CD55: variants seen among roughly 807,000 people sequenced by gnomAD.
The protein encoded by CD55 is CD55 molecule (Cromer blood group), also known as complement decay-accelerating factor.
A neutral mutation model predicts 45.8 loss-of-function variants in CD55; 41 were observed. The observed-to-expected ratio is 0.90, with a 90% confidence interval of 0.70 to 1.16. CD55 has a LOEUF of 1.16. CD55 is among the 50% of genes most tolerant of loss of function. CD55 has a pLI of 0.00. For missense variants in CD55, 416 were observed against 469.8 expected (o/e 0.89, Z 1.06); for synonymous variants, 181 against 181.1 (o/e 1.00, Z 0.01).
chr1:207,358,005 T>G (rs564856227), intron 9 of CD55, among the ~76,000 whole-genome samples: 2 of 152,302 alleles, frequency 1.3e-5, no homozygotes, highest in South Asian at 4.1e-4. Flanking sequence ...TCACCTATTT[T>G]CAGATTGCAG....
intron 8 of CD55, among the ~76,000 whole-genome samples, chr1:207,339,173 A>G (rs1655308831): frequency 6.6e-6 from 1 of 152,200 alleles, no homozygotes; most frequent in Non-Finnish European, 1.5e-5. Context: ...ATTTATATTT[A>G]CAGTGTTGAT....
intron 5 of CD55, among the ~76,000 whole-genome samples, chr1:207,329,849 C>G (rs1352607963): frequency 6.6e-6 from 1 of 151,984 alleles, no homozygotes; most frequent in Non-Finnish European, 1.5e-5. Flanking sequence ...TGGGCTCAAG[C>G]AGTCTGCCCG....
chr1:207,345,308 CT>C lies in CD55; in HGVS notation c.1081+5892del, dbSNP rs1175335283. Among the ~76,000 whole-genome samples, 7 of 151,910 alleles carry C rather than the reference CT, an allele frequency of 4.6e-5. 1 individual carries two copies. The highest frequency in any genetic ancestry group is 2.0e-4 in the Admixed American group (3 of 15,254). ...TCTTCAAGTTCTGAGATTCTTTCTTCTGCTTGATCTAGCCTATTATTGATGC... is the reference window on the plus strand; with the variant it reads ...TCTTCAAGTTCTGAGATTCTTTCTTCGCTTGATCTAGCCTATTATTGATGC... On this transcript the variant is annotated intron_variant, in intron 9 of 9. Coordinates refer to ENST00000367064, the MANE Select transcript of CD55 (RefSeq NM_000574.5).
rs140013480 is a variant in CD55 at position 207,331,297 on chromosome 1, G to A, written c.853+1G>A. On this transcript the variant is annotated splice_donor_variant, in intron 6 of 9. Transcript: ENST00000367064. LOFTEE classifies it high-confidence loss of function. ...AGTGGCCCACCACCTGAATGCAGAGGTAATCACTTTGGATAGTTATATTTT... is the reference window on the plus strand; with the variant it reads ...AGTGGCCCACCACCTGAATGCAGAGATAATCACTTTGGATAGTTATATTTT... The A allele has an allele frequency of 6.2e-7, 1 of 1,611,640 alleles. No individual in the cohort carries two copies. The highest frequency in any genetic ancestry group is 8.5e-7 in the Non-Finnish European group (1 of 1,178,104).
intron 9 of CD55, among the ~76,000 whole-genome samples, chr1:207,346,199 G>A (rs1655631305): frequency 6.6e-6 from 1 of 152,202 alleles, no homozygotes; most frequent in Admixed American, 6.5e-5. Flanking sequence ...TGCGGTGATT[G>A]GGTGGATCAG....
intron 2 of CD55, 31 bp downstream of exon 2, chr1:207,322,598 G>T: frequency 6.5e-7 from 1 of 1,545,086 alleles, no homozygotes; most frequent in South Asian, 1.2e-5. Flanking sequence ...GAAAAGTTCT[G>T]GGAATGGAAT....
chr1:207,343,065 T>C lies in CD55; in HGVS notation c.1081+3648T>C, dbSNP rs538899386. Among the ~76,000 whole-genome samples the C allele has an allele frequency of 3.3e-5, 5 of 152,262 alleles. No homozygotes were observed. The East Asian group carries it at 9.6e-4, about 29-fold the overall frequency. On this transcript the variant is annotated intron_variant, in intron 9 of 9. Transcript: ENST00000367064. Reference sequence around the variant, plus strand: ...TCTCTTTTTTCATTTCTGATTTTATTTGGGGCTTCTCTCTTTTTTTCTTGG... The same window carrying C: ...TCTCTTTTTTCATTTCTGATTTTATCTGGGGCTTCTCTCTTTTTTTCTTGG...
chr1:207,341,897 T>C (rs960401680), intron 9 of CD55, among the ~76,000 whole-genome samples: 1 of 152,196 alleles, frequency 6.6e-6, no homozygotes, highest in African/African-American at 2.4e-5. Context: ...TCTTTCCCTT[T>C]GTGCCCTCTT....
intron 9 of CD55, chr1:207,358,741 A>G (rs1459378026): frequency 1.3e-5 from 2 of 152,110 alleles, no homozygotes; most frequent in Admixed American, 6.5e-5. Flanking sequence ...CTGTCACTAG[A>G]GTTGTTTTTT....
At chr1:207,345,870 C>G (rs1273653989) in intron 9 of CD55, among the ~76,000 whole-genome samples, 1 of 152,176 alleles carries the variant, frequency 6.6e-6, no homozygotes, top group Non-Finnish European at 1.5e-5. Flanking sequence ...GTCATTTCCT[C>G]AGTGCTTTAG....
chr1:207,348,689 T>G (rs866845858), intron 9 of CD55, among the ~76,000 whole-genome samples: 4 of 152,232 alleles, frequency 2.6e-5, no homozygotes, highest in Admixed American at 1.3e-4. Flanking sequence ...CTTCTAGAGT[T>G]TTTATACTTT....
intron 1 of CD55, chr1:207,322,119 C>A: frequency 1.6e-6 from 1 of 632,022 alleles, no homozygotes; most frequent in South Asian, 1.8e-5. Context: ...GTTTGCGGAG[C>A]AGCCAAGCCT....
At chr1:207,357,109 T>C (rs932492880) in intron 9 of CD55, among the ~76,000 whole-genome samples, 1 of 152,248 alleles carries the variant, frequency 6.6e-6, no homozygotes, top group Non-Finnish European at 1.5e-5. Context: ...AAGCCTATTA[T>C]AAGTTAAAGC....
intron 9 of CD55, among the ~76,000 whole-genome samples, chr1:207,348,817 G>T (rs549531970): frequency 1.3e-5 from 2 of 152,242 alleles, no homozygotes; most frequent in South Asian, 4.1e-4. Flanking sequence ...TTATTGAATA[G>T]AGAATCCATT....
rs1255920353 is a variant in CD55, at chr1:207,360,254, C to A, written c.*644C>A. ...GGAAAAAGCCTGTGAAAGGTGTCTT[C>A]TTTGACTTAATGTCTTTAAAAGTAT... On this transcript the variant is annotated 3_prime_UTR_variant, in exon 10 of 10. Coordinates refer to ENST00000367064, the MANE Select transcript of CD55 (RefSeq NM_000574.5). The A allele has an allele frequency of 6.6e-6, 1 of 152,126 alleles. No individual in the cohort carries two copies. The highest frequency in any genetic ancestry group is 1.9e-4 in the East Asian group (1 of 5,202). The allele number at this position is 152,126 out of a possible 1,614,324, so 9.4% of individuals were successfully genotyped here. A position where few individuals can be genotyped will look rare whatever the true frequency, so the allele number is the denominator to read the frequency against.
chr1:207,329,794 C>A (rs1654858360), intron 5 of CD55, among the ~76,000 whole-genome samples: 1 of 151,844 alleles, frequency 6.6e-6, no homozygotes, highest in African/African-American at 2.4e-5. Context: ...GTATTTTTTG[C>A]ATAGACAGGG....
intron 2 of CD55, 93 bp from the exon 3 acceptor site, chr1:207,324,466 A>G (rs28371601): frequency 0.025 from 18,745 of 747,162 alleles, 390 homozygotes; most frequent in African/African-American, 0.094. Context: ...GCAGTAAAGA[A>G]AGGGGGTTAT....
intron 4 of CD55, 144 bp from the exon 5 acceptor site, chr1:207,326,608 A>G (rs1471487809): frequency 1.6e-6 from 1 of 628,416 alleles, no homozygotes; most frequent in Non-Finnish European, 2.8e-6. Flanking sequence ...TTTCCTTTAA[A>G]CTACTGTGTG....
chr1:207,322,279 A>G (rs769445799), intron 1 of CD55, 103 bp from the exon 2 acceptor site: 17 of 948,782 alleles, frequency 1.8e-5, no homozygotes, highest in Middle Eastern at 2.1e-4. Flanking sequence ...CTTGCATGTC[A>G]TCTCTTTCAG....
Sources: allele counts gnomAD v4.1 joint callset (sites outside exome capture counted in the v4.1 genomes callset), GRCh38; gene constraint gnomAD v4.1.1; transcripts MANE v1.5; gene names NCBI Gene and HGNC (gene_info 2026-07-23, HGNC 2026-07-21).